Variants in STXBP4 observed in about 807,000 individuals in gnomAD.
STXBP4 encodes syntaxin-binding protein 4.
A neutral mutation model predicts 76.1 loss-of-function variants in STXBP4; 55 were observed. The observed-to-expected ratio is 0.72, with a 90% confidence interval of 0.58 to 0.91. The LOEUF (loss-of-function observed/expected upper bound fraction) is 0.91. Among genes scored for constraint, STXBP4 ranks in the 40% least tolerant of loss-of-function variants. The pLI, the probability that STXBP4 is intolerant of heterozygous loss-of-function variation, is 0.00. For synonymous variants in STXBP4, 201 were observed against 220.2 expected (o/e 0.91, Z 0.77); for missense variants, 618 against 636.9 (o/e 0.97, Z 0.32).
At chr17:55,140,792 C>T (rs1436164153) in intron 16 of STXBP4, among the ~76,000 whole-genome samples, 1 of 152,150 alleles carries the variant, frequency 6.6e-6, no homozygotes, top group East Asian at 1.9e-4. Context: ...ATGCCACAAT[C>T]CATTGTAAAT....
At chr17:55,199,854 C>T in the STXBP4 span, among the ~76,000 whole-genome samples, 3 of 152,188 alleles carry the variant, frequency 2.0e-5, no homozygotes, top group Admixed American at 1.3e-4. Context: ...CCTTGTGCTT[C>T]TCTCCTTTAG....
intron 16 of STXBP4, among the ~76,000 whole-genome samples, chr17:55,100,436 C>G (rs1204643039): frequency 6.6e-6 from 1 of 152,126 alleles, no homozygotes; most frequent in Non-Finnish European, 1.5e-5. Flanking sequence ...TCAAGTAAAT[C>G]AAGGGAAGCT....
chr17:55,087,616 C>T (rs919704617), intron 16 of STXBP4, among the ~76,000 whole-genome samples: 2 of 152,026 alleles, frequency 1.3e-5, no homozygotes, highest in Non-Finnish European at 1.5e-5. Flanking sequence ...GATTTTAGGC[C>T]GGTCCCATGC....
chr17:55,018,116 A>G (rs143357787), intron 8 of STXBP4, among the ~76,000 whole-genome samples: 124 of 152,150 alleles, frequency 8.1e-4, no homozygotes, highest in African/African-American at 2.7e-3. Flanking sequence ...AAGGAATGGA[A>G]TCTTGAGCCA....
intron 16 of STXBP4, among the ~76,000 whole-genome samples, chr17:55,090,835 TTGTG>T (rs10598089): frequency 1.5e-3 from 223 of 149,540 alleles, no homozygotes; most frequent in East Asian, 2.8e-3. Context: ...ACATTTTAAA[TTGTG>T]TGTGTGTGTG....
At chr17:55,113,323 A>G (rs540254201) in intron 16 of STXBP4, among the ~76,000 whole-genome samples, 44 of 152,160 alleles carry the variant, frequency 2.9e-4, no homozygotes, top group African/African-American at 1.0e-3. Context: ...TCATTTCACC[A>G]TGTATTTGTA....
intron 16 of STXBP4, among the ~76,000 whole-genome samples, chr17:55,129,580 G>GAAAGA (rs1332963430): frequency 1.3e-4 from 20 of 151,896 alleles, no homozygotes; most frequent in Admixed American, 1.2e-3. Context: ...AAGAAAGAAA[G>GAAAGA]AAAGAAAAGA....
chr17:55,086,995 G>A (rs758160951), intron 16 of STXBP4, among the ~76,000 whole-genome samples: 25 of 152,024 alleles, frequency 1.6e-4, no homozygotes, highest in Non-Finnish European at 2.8e-4. Context: ...GATTTGATTT[G>A]CATTTCCCTG....
At chr17:55,096,807 C>T (rs554249888) in intron 16 of STXBP4, among the ~76,000 whole-genome samples, 3 of 152,212 alleles carry the variant, frequency 2.0e-5, no homozygotes, top group South Asian at 2.1e-4. Context: ...TGGGGATGCA[C>T]TCCTCCATAA....
At chr17:55,048,111 A>G (rs528828275) in intron 12 of STXBP4, among the ~76,000 whole-genome samples, 2 of 152,050 alleles carry the variant, frequency 1.3e-5, no homozygotes, top group Admixed American at 1.3e-4. Flanking sequence ...AAGAGACTTC[A>G]AGGTATGAAT....
At chr17:55,204,241 C>T in the STXBP4 span, among the ~76,000 whole-genome samples, 2 of 151,906 alleles carry the variant, frequency 1.3e-5, no homozygotes, top group Non-Finnish European at 2.9e-5. Flanking sequence ...TTCTTAATTT[C>T]AGTTACTATA....
At chr17:54,996,547 A>G (rs567901686) in intron 4 of STXBP4, among the ~76,000 whole-genome samples, 1 of 152,280 alleles carries the variant, frequency 6.6e-6, no homozygotes, top group South Asian at 2.1e-4. Context: ...ACTTCATCTT[A>G]TTTAACACGT....
At position 55,171,486 on chromosome 17, in the gene STXBP4, T is replaced by C. The variant is rs2080405823; in HGVS notation, c.*11575T>C. On this transcript the variant is annotated 3_prime_UTR_variant, in exon 18 of 18. Transcript: ENST00000376352. ...TTATTGATTTATCTATAAGGAATAA[T>C]CTGTGAATTAACCTTCTGTAGCTTT... 1 of 152,220 alleles carries C rather than the reference T, an allele frequency of 6.6e-6. No individual in the cohort carries two copies. Among genetic ancestry groups the C allele is most frequent in the Admixed American group, 6.5e-5 (1 of 15,288 alleles). The allele number at this position is 152,220 out of a possible 1,614,324, so 9.4% of individuals were successfully genotyped here.
At chr17:55,159,191 A>G (rs1210190294) in intron 17 of STXBP4, among the ~76,000 whole-genome samples, 1 of 152,208 alleles carries the variant, frequency 6.6e-6, no homozygotes, top group Non-Finnish European at 1.5e-5. Flanking sequence ...GGTTACAGTG[A>G]TCTGAGATTG....
chr17:55,057,441 A>G (rs2078940915), intron 12 of STXBP4, among the ~76,000 whole-genome samples: 1 of 152,236 alleles, frequency 6.6e-6, no homozygotes, highest in South Asian at 2.1e-4. Context: ...TGAGAAAACT[A>G]AGCACAAATA....
intron 10 of STXBP4, among the ~76,000 whole-genome samples, chr17:55,037,587 A>G (rs1018985147): frequency 3.9e-5 from 6 of 152,152 alleles, no homozygotes; most frequent in African/African-American, 1.4e-4. Context: ...CATGTCAATA[A>G]TTCTGACATG....
intron 17 of STXBP4, among the ~76,000 whole-genome samples, chr17:55,153,893 T>G (rs2080244529): frequency 6.6e-6 from 1 of 152,136 alleles, no homozygotes; most frequent in Non-Finnish European, 1.5e-5. Flanking sequence ...TATTACTTAT[T>G]TTCTGTATTT....
chr17:55,076,050 G>A (rs568231710), intron 13 of STXBP4, among the ~76,000 whole-genome samples: 11 of 152,118 alleles, frequency 7.2e-5, no homozygotes, highest in South Asian at 4.1e-4. Flanking sequence ...TCATGTAGAT[G>A]TATAGTGATT....
chr17:55,085,410 G>A (rs1362117253), intron 16 of STXBP4, among the ~76,000 whole-genome samples: 1 of 152,048 alleles, frequency 6.6e-6, no homozygotes, highest in Non-Finnish European at 1.5e-5. Flanking sequence ...ATTTAGTTGG[G>A]ATGGCTCAAT....
Sources: gnomAD v4.1 joint callset for allele counts (sites outside exome capture counted in the v4.1 genomes callset) on GRCh38, gnomAD v4.1.1 for gene constraint, MANE v1.5 for transcripts, NCBI Gene and HGNC (gene_info 2026-07-23, HGNC 2026-07-21) for gene names.